METTL8: variants seen among roughly 807,000 people sequenced by gnomAD.
The protein encoded by METTL8 is tRNA N(3)-cytidine methyltransferase METTL8, mitochondrial.
METTL8 carries 32 observed loss-of-function variants against 48.7 expected under a neutral mutation model. The observed-to-expected ratio is 0.66, with a 90% CI of 0.50 to 0.88. METTL8 has a LOEUF of 0.88. METTL8 is among the 40% of genes least tolerant of loss of function. The pLI is 0.00. For synonymous variants in METTL8, 136 were observed against 157.1 expected (o/e 0.87, Z 1.01); for missense variants, 464 against 474.4 (o/e 0.98, Z 0.20).
chr2:171,370,055 G>C (rs1024423998), intron 2 of METTL8, among the ~76,000 whole-genome samples: 2 of 148,774 alleles, frequency 1.3e-5, no homozygotes, highest in African/African-American at 5.0e-5. Flanking sequence ...AACACAGAGA[G>C]ACTCCATCTC....
intron 3 of METTL8, among the ~76,000 whole-genome samples, chr2:171,354,435 T>G (rs976078189): frequency 5.3e-5 from 8 of 152,186 alleles, no homozygotes; most frequent in African/African-American, 1.7e-4. Context: ...CAATTATGTG[T>G]CTTGGAGTTG....
chr2:171,353,849 G>T (rs568642449), intron 3 of METTL8, among the ~76,000 whole-genome samples: 17 of 152,186 alleles, frequency 1.1e-4, no homozygotes, highest in African/African-American at 3.9e-4. Context: ...GAGCCTATGT[G>T]TGTCTCTGCA....
chr2:171,389,714 A>C (rs976544523), intron 2 of METTL8, among the ~76,000 whole-genome samples: 1 of 152,114 alleles, frequency 6.6e-6, no homozygotes, highest in African/African-American at 2.4e-5. Context: ...GCTCACAGAG[A>C]TGAGGTAGCT....
At chr2:171,397,352 T>TAAAAA (rs71013039) in intron 1 of METTL8, among the ~76,000 whole-genome samples, 21 of 11,692 alleles carry the variant, frequency 1.8e-3, no homozygotes, top group South Asian at 5.8e-3. Flanking sequence ...ACCCTGTCTC[T>TAAAAA]AAAAAAAAAA....
At chr2:171,354,079 T>C (rs1267546739) in intron 3 of METTL8, among the ~76,000 whole-genome samples, 1 of 152,210 alleles carries the variant, frequency 6.6e-6, no homozygotes, top group African/African-American at 2.4e-5. Context: ...ATTTGGCATG[T>C]TTTTCAATGG....
chr2:171,434,214 TGTA>T (rs1693565640), upstream of METTL8: 1 of 425,382 alleles, frequency 2.4e-6, no homozygotes, highest in African/African-American at 2.1e-5. Flanking sequence ...TGACGGGAAT[TGTA>T]GTTCCTGGGA....
chr2:171,346,896 T>C (rs542063095), intron 3 of METTL8, among the ~76,000 whole-genome samples: 3 of 152,168 alleles, frequency 2.0e-5, no homozygotes, highest in Admixed American at 6.5e-5. Context: ...CCTACAGAAA[T>C]TGCGCTGGAT....
chr2:171,328,082 G>C (rs1351049628), intron 7 of METTL8, among the ~76,000 whole-genome samples: 1 of 152,112 alleles, frequency 6.6e-6, no homozygotes, highest in Non-Finnish European at 1.5e-5. Context: ...TGCAGTTCCC[G>C]AGCCAATTCC....
At chr2:171,431,086 T>C (rs1284159356) in intron 1 of METTL8, among the ~76,000 whole-genome samples, 1 of 152,002 alleles carries the variant, frequency 6.6e-6, no homozygotes, top group Non-Finnish European at 1.5e-5. Context: ...ATGAAAGGAG[T>C]TAGCCAGCTT....
intron 1 of METTL8, among the ~76,000 whole-genome samples, chr2:171,427,647 A>C (rs1394735370): frequency 2.0e-5 from 3 of 152,224 alleles, no homozygotes; most frequent in Non-Finnish European, 4.4e-5. Context: ...GGCTCAGCTT[A>C]CATGTGTTCT....
chr2:171,403,673 A>G (rs2105599571), intron 1 of METTL8, among the ~76,000 whole-genome samples: 1 of 152,228 alleles, frequency 6.6e-6, no homozygotes, highest in South Asian at 2.1e-4. Context: ...CGGGGTATGG[A>G]CTATATGGAA....
chr2:171,366,836 G>T (rs1685769373), intron 2 of METTL8, among the ~76,000 whole-genome samples: 1 of 148,864 alleles, frequency 6.7e-6, no homozygotes, highest in Non-Finnish European at 1.5e-5. Flanking sequence ...TGAGGTTACA[G>T]TGAGCCATAA....
At chr2:171,355,701 G>A (rs1203318243) in intron 3 of METTL8, among the ~76,000 whole-genome samples, 2 of 152,204 alleles carry the variant, frequency 1.3e-5, no homozygotes, top group Admixed American at 6.5e-5. Context: ...CTGCCACCTT[G>A]CAGTTCGATC....
intron 1 of METTL8, among the ~76,000 whole-genome samples, chr2:171,417,414 TCAAA>T (rs1393899862): frequency 6.6e-6 from 1 of 152,182 alleles, no homozygotes; most frequent in Non-Finnish European, 1.5e-5. Flanking sequence ...ATAAATAGAT[TCAAA>T]CAATTATATA....
intron 2 of METTL8, among the ~76,000 whole-genome samples, chr2:171,370,580 A>C (rs773460262): frequency 2.0e-5 from 3 of 152,238 alleles, no homozygotes; most frequent in Middle Eastern, 3.4e-3. Context: ...TCATGAGGTA[A>C]GGAGATCGAG....
In METTL8 at chr2:171,322,323, T is replaced by C. The variant is rs1684564165; in HGVS notation, c.*1849A>G. On this transcript the variant is annotated 3_prime_UTR_variant, in exon 10 of 10. Coordinates refer to ENST00000375258, the MANE Select transcript of METTL8 (RefSeq NM_001321154.2). ...TTAAGAATTCTCTTGGGTATGACAG[T>C]TGTCTTAAACAGAGCTTACCACTGA... is the stretch of plus-strand genomic sequence containing the variant. The C allele has an allele frequency of 6.6e-6, 1 of 152,026 alleles. No homozygotes were observed. The highest frequency in any genetic ancestry group is 2.4e-5 in the African/African-American group (1 of 41,380). 9.4% of individuals were successfully genotyped at this position (152,026 alleles called of 1,614,324 possible).
chr2:171,358,407 A>G (rs1410757825), intron 3 of METTL8, among the ~76,000 whole-genome samples: 2 of 152,142 alleles, frequency 1.3e-5, no homozygotes, highest in Non-Finnish European at 1.5e-5. Context: ...CTGACTTCAA[A>G]ACATACTACA....
intron 2 of METTL8, among the ~76,000 whole-genome samples, chr2:171,365,462 T>C (rs182751374): frequency 0.016 from 2,379 of 152,176 alleles, 24 homozygotes; most frequent in Non-Finnish European, 0.027. Context: ...ACCAATAAAT[T>C]GGGTGGAGGC....
At chr2:171,346,683 A>G (rs1012694214) in intron 3 of METTL8, among the ~76,000 whole-genome samples, 28 of 152,230 alleles carry the variant, frequency 1.8e-4, no homozygotes, top group Admixed American at 1.5e-3. Flanking sequence ...TCTTTCAAAG[A>G]TTTAGGACTC....
Sources: gnomAD v4.1 joint callset for allele counts (sites outside exome capture counted in the v4.1 genomes callset) on GRCh38, gnomAD v4.1.1 for gene constraint, MANE v1.5 for transcripts, NCBI Gene and HGNC (gene_info 2026-07-23, HGNC 2026-07-21) for gene names.